Variants in SPHKAP observed in about 807,000 individuals in gnomAD.
SPHKAP encodes A-kinase anchor protein SPHKAP.
SPHKAP carries 67 observed loss-of-function variants against 137.5 expected under a neutral mutation model. The observed-to-expected ratio is 0.49, with a 90% CI of 0.40 to 0.60. The LOEUF is 0.60. Ranked by LOEUF, SPHKAP falls within the 20% of genes least tolerant of loss-of-function variation. The probability of loss-of-function intolerance (pLI) is 0.00; values close to 1 mark genes in which losing one functional copy is unlikely to be tolerated. For synonymous variants in SPHKAP, 813 were observed against 785.3 expected, an observed-to-expected ratio of 1.04 and a Z score of -0.59; for missense variants, 2,097 against 2,069.3, an observed-to-expected ratio of 1.01 and a Z score of -0.26.
intron 2 of SPHKAP, among the ~76,000 whole-genome samples, chr2:228,115,564 A>T (rs943354852): frequency 6.6e-6 from 1 of 152,124 alleles, no homozygotes; most frequent in Non-Finnish European, 1.5e-5. Context: ...AGTTCTTTCA[A>T]TTACTTAAAA....
At chr2:228,155,353 T>C (rs1280552066) in intron 1 of SPHKAP, among the ~76,000 whole-genome samples, 1 of 152,166 alleles carries the variant, frequency 6.6e-6, no homozygotes, top group Non-Finnish European at 1.5e-5. Context: ...ATAACCTATA[T>C]GCAACTATTA....
In SPHKAP at chr2:228,138,404, C is replaced by A. The variant is rs556852018; in HGVS notation, c.33-6319G>T. 1.8e-4 allele frequency among the ~76,000 whole-genome samples: 27 copies of A among 152,286 alleles called. 1 individual carries two copies. In the South Asian group the frequency reaches 5.4e-3, roughly 30 times the overall value. Reference sequence around the variant, plus strand: ...TAACAATTTAAATATGTATCCAGTACAAAATTTTTCATTTACTGCTGTGTA... The same window carrying A: ...TAACAATTTAAATATGTATCCAGTAAAAAATTTTTCATTTACTGCTGTGTA... On this transcript the variant is annotated intron_variant, in intron 1 of 11. Transcript: ENST00000392056.
At chr2:228,118,704 G>T (rs1330108598) in intron 2 of SPHKAP, among the ~76,000 whole-genome samples, 2 of 151,946 alleles carry the variant, frequency 1.3e-5, no homozygotes, top group African/African-American at 4.8e-5. Context: ...AAAAGTATTA[G>T]TTAGACTCTA....
chr2:227,987,061 A>T (rs1344180295), intron 11 of SPHKAP, among the ~76,000 whole-genome samples: 3 of 152,196 alleles, frequency 2.0e-5, no homozygotes, highest in African/African-American at 7.2e-5. Context: ...GCCACCTCAA[A>T]TTCTGCTGCT....
intron 7 of SPHKAP, among the ~76,000 whole-genome samples, chr2:228,006,368 C>T (rs368490151): frequency 8.5e-5 from 13 of 152,156 alleles, no homozygotes; most frequent in East Asian, 5.8e-4. Flanking sequence ...ATGTAATTCT[C>T]GTGCCACGGT....
At chr2:228,022,822 C>G (rs1694891394) in intron 5 of SPHKAP, among the ~76,000 whole-genome samples, 1 of 152,176 alleles carries the variant, frequency 6.6e-6, no homozygotes, top group Non-Finnish European at 1.5e-5. Context: ...AGATCAGTAT[C>G]TTTCTCTGCC....
At chr2:228,053,500 T>C (rs1264789786) in intron 3 of SPHKAP, among the ~76,000 whole-genome samples, 2 of 152,210 alleles carry the variant, frequency 1.3e-5, no homozygotes, top group Admixed American at 6.5e-5. Context: ...TTCTTGGATC[T>C]TGGTGGTACA....
At chr2:228,001,194 T>A (rs1693842699) in intron 7 of SPHKAP, among the ~76,000 whole-genome samples, 2 of 149,716 alleles carry the variant, frequency 1.3e-5, no homozygotes, top group Non-Finnish European at 3.0e-5. Flanking sequence ...GTGAAGTGTC[T>A]CTTCAGGCCT....
chr2:228,079,147 T>C (rs1309351513), intron 3 of SPHKAP, among the ~76,000 whole-genome samples: 2 of 152,226 alleles, frequency 1.3e-5, no homozygotes, highest in Non-Finnish European at 2.9e-5. Context: ...AGGATGAAAC[T>C]GTTCCACCTC....
At position 228,181,419 on chromosome 2, in the gene SPHKAP, G is replaced by A. The variant is rs529307712; in HGVS notation, c.32+148C>T. The stretch of plus-strand genomic sequence containing the variant: ...CCTGTAGCTCCAGCGAGGCTGGGCC[G>A]GACTTATTTACAAGTGCAGTGACCC... On this transcript the variant is annotated intron_variant, in intron 1 of 11. Coordinates refer to ENST00000392056, the MANE Select transcript of SPHKAP (RefSeq NM_001142644.2). This position sits in a 1 kb window ranked among gnomAD's most constrained non-coding sequence, Gnocchi z 4.3. The A allele has an allele frequency of 1.8e-6, 2 of 1,126,480 alleles. No homozygotes were observed. Among genetic ancestry groups the A allele is most frequent in the African/African-American group, 1.5e-5 (1 of 65,192 alleles). 69.8% of individuals were successfully genotyped at this position (1,126,480 alleles called of 1,614,324 possible). A position where few individuals can be genotyped will look rare whatever the true frequency, so the allele number is the denominator to read the frequency against.
Position 228,163,459 on chromosome 2 carries a change from C to A in SPHKAP, c.32+18108G>T, listed in dbSNP as rs535731090. On this transcript the variant is annotated intron_variant, in intron 1 of 11. Coordinates refer to ENST00000392056, the MANE Select transcript of SPHKAP (RefSeq NM_001142644.2). Reference sequence around the variant, plus strand: ...ACTATGCAAGATGCAGACTAAGGTACTAAGTGACCCACTACCAGCTCCTCC... The same window carrying A: ...ACTATGCAAGATGCAGACTAAGGTAATAAGTGACCCACTACCAGCTCCTCC... Among the ~76,000 whole-genome samples the A allele has an allele frequency of 2.6e-3, 397 of 152,144 alleles. 3 individuals carry two copies. The highest frequency in any genetic ancestry group is 4.6e-3 in the Non-Finnish European group (313 of 68,016).
intron 7 of SPHKAP, among the ~76,000 whole-genome samples, chr2:228,001,422 T>C (rs1329480151): frequency 7.1e-6 from 1 of 140,244 alleles, no homozygotes; most frequent in East Asian, 2.0e-4. Flanking sequence ...TATATAAATA[T>C]ATACATATAT....
intron 3 of SPHKAP, among the ~76,000 whole-genome samples, chr2:228,070,688 CT>C (rs34306976): frequency 0.27 from 41,216 of 152,056 alleles, 5,834 homozygotes; most frequent in East Asian, 0.42. Context: ...GTCAAGTCAT[CT>C]TTGGGCTCAA....
At chr2:228,113,068 C>T (rs1051500936) in intron 2 of SPHKAP, among the ~76,000 whole-genome samples, 9 of 152,134 alleles carry the variant, frequency 5.9e-5, no homozygotes, top group East Asian at 1.9e-4. Context: ...AATGTTTGGA[C>T]GAGAGCTTCT....
chr2:228,150,505 T>C (rs1213687992), intron 1 of SPHKAP, among the ~76,000 whole-genome samples: 3 of 152,192 alleles, frequency 2.0e-5, no homozygotes, highest in Admixed American at 6.5e-5. Flanking sequence ...TAGTAAGTTA[T>C]ATTTGTACTC....
At chr2:228,031,023 G>A (rs930273628) in intron 3 of SPHKAP, among the ~76,000 whole-genome samples, 5 of 152,336 alleles carry the variant, frequency 3.3e-5, no homozygotes, top group Non-Finnish European at 7.3e-5. Context: ...GGGAGTGCCA[G>A]AGAGTGGATG....
At chr2:228,172,874 GACA>G in intron 1 of SPHKAP, 1 of 187,596 alleles carries the variant, frequency 5.3e-6, no homozygotes, top group Non-Finnish European at 1.0e-5. Context: ...CACTGGAAGA[GACA>G]CATATCCCTT....
intron 7 of SPHKAP, among the ~76,000 whole-genome samples, chr2:228,009,878 C>A (rs1694300534): frequency 1.3e-5 from 2 of 152,154 alleles, no homozygotes; most frequent in African/African-American, 4.8e-5. Flanking sequence ...CTAGTTGGGA[C>A]TAAACATCTT....
chr2:228,061,518 T>C (rs1696631926), intron 3 of SPHKAP, among the ~76,000 whole-genome samples: 1 of 152,058 alleles, frequency 6.6e-6, no homozygotes, highest in Non-Finnish European at 1.5e-5. Context: ...ATAATCTGCC[T>C]GTCTTGGCCT....
Sources: gnomAD v4.1 joint callset for allele counts (sites outside exome capture counted in the v4.1 genomes callset) on GRCh38, gnomAD v4.1.1 for gene constraint, Gnocchi (gnomAD v3.1) non-coding constraint, MANE v1.5 for transcripts, NCBI Gene and HGNC (gene_info 2026-07-23, HGNC 2026-07-21) for gene names.